Variants in CHD6 observed in about 807,000 individuals in gnomAD.
CHD6 encodes the protein ATP-dependent chromatin remodeler CHD6.
A neutral mutation model predicts 276.9 loss-of-function variants in CHD6; 50 were observed. The observed-to-expected ratio is 0.18, with a 90% CI of 0.14 to 0.23. CHD6 has a LOEUF of 0.23. Among genes scored for constraint, CHD6 ranks in the 10% least tolerant of loss-of-function variants. CHD6 has a pLI of 1.00. For synonymous variants in CHD6, 1,173 were observed against 1,229.3 expected (o/e 0.95, Z 0.96); for missense variants, 2,564 against 3,365.8 (o/e 0.76, Z 5.89).
rs60538220 is a variant in CHD6, at chr20:41,613,776, G to A, written c.-24+4564C>T. On this transcript the variant is annotated intron_variant, in intron 1 of 36. Transcript: ENST00000373233. The stretch of plus-strand genomic sequence containing the variant: ...ATAGGGGTATGAGAGGCACAGATCC[G>A]TTTGAGAATCATAAAAAACAATGGA... 4.3e-3 allele frequency among the ~76,000 whole-genome samples: 658 copies of A among 152,252 alleles called. 5 individuals are homozygous for A. Among genetic ancestry groups the A allele is most frequent in the African/African-American group, 0.015 (631 of 41,554 alleles).
At chr20:41,534,805 CA>C (rs898310516) in intron 2 of CHD6, among the ~76,000 whole-genome samples, 3 of 151,712 alleles carry the variant, frequency 2.0e-5, no homozygotes, top group African/African-American at 7.3e-5. Flanking sequence ...AAATCAAATA[CA>C]AAAAAAATGG....
chr20:41,557,666 A>C (rs1393128836), intron 1 of CHD6, among the ~76,000 whole-genome samples: 1 of 152,188 alleles, frequency 6.6e-6, no homozygotes, highest in Non-Finnish European at 1.5e-5. Context: ...TTGCAAACAC[A>C]AACAAGTGCA....
At chr20:41,588,282 A>G (rs2146253971) in intron 1 of CHD6, among the ~76,000 whole-genome samples, 1 of 152,296 alleles carries the variant, frequency 6.6e-6, no homozygotes, top group South Asian at 2.1e-4. Flanking sequence ...TAAGAATTTT[A>G]TTTTCACTCA....
intron 3 of CHD6, among the ~76,000 whole-genome samples, chr20:41,528,431 T>G (rs2044597746): frequency 6.6e-6 from 1 of 152,162 alleles, no homozygotes; most frequent in Non-Finnish European, 1.5e-5. Context: ...GGCACTATAA[T>G]TTTAAAAATA....
At chr20:41,474,020 T>C (rs1313292914) in intron 16 of CHD6, among the ~76,000 whole-genome samples, 2 of 152,236 alleles carry the variant, frequency 1.3e-5, no homozygotes, top group East Asian at 1.9e-4. Flanking sequence ...AGTCCTTTTA[T>C]GTCACTTCTA....
At position 41,423,401 on chromosome 20, in the gene CHD6, T is replaced by C. The variant is rs1186171644; in HGVS notation, c.4555+91A>G. Reference sequence around the variant, plus strand: ...CTAAATTCCTCATGTAGACTCTAGTTTTTATAGGTATACCTAAAGTAATTC... The same window carrying C: ...CTAAATTCCTCATGTAGACTCTAGTCTTTATAGGTATACCTAAAGTAATTC... On this transcript the variant is annotated intron_variant, in intron 30 of 36. Coordinates refer to ENST00000373233, the MANE Select transcript of CHD6 (RefSeq NM_032221.5). 2 of 1,259,098 alleles carry C rather than the reference T, an allele frequency of 1.6e-6. 1 individual carries two copies. Among genetic ancestry groups the C allele is most frequent in the Admixed American group, 3.6e-5 (2 of 56,336 alleles). 78.0% of individuals were successfully genotyped at this position (1,259,098 alleles called of 1,614,324 possible).
Position 41,582,148 on chromosome 20 carries a change from A to C in CHD6, c.-23-30788T>G, listed in dbSNP as rs530897529. On this transcript the variant is annotated intron_variant, in intron 1 of 36. Transcript: ENST00000373233. ...ACTCAATTCAATTACTTAAAAAAAA[A>C]ACCTACACCTAAAATGTAGTTAAAG... is the stretch of plus-strand genomic sequence containing the variant. Among the ~76,000 whole-genome samples, 5 of 152,324 alleles carry C rather than the reference A, an allele frequency of 3.3e-5. No homozygotes were observed. The East Asian group carries it at 9.6e-4, about 29-fold the overall frequency.
intron 1 of CHD6, among the ~76,000 whole-genome samples, chr20:41,599,133 G>T (rs918627368): frequency 1.6e-4 from 24 of 152,216 alleles, no homozygotes; most frequent in African/African-American, 5.5e-4. Flanking sequence ...ACAGCAGTTT[G>T]TCAATTATAC....
chr20:41,447,637 T>C (rs1159250235), intron 24 of CHD6, among the ~76,000 whole-genome samples: 2 of 152,096 alleles, frequency 1.3e-5, no homozygotes, highest in Non-Finnish European at 2.9e-5. Context: ...TTGAGGGAAA[T>C]AAAATGAACT....
intron 3 of CHD6, among the ~76,000 whole-genome samples, chr20:41,518,566 T>C (rs1381498071): frequency 6.6e-6 from 1 of 152,128 alleles, no homozygotes; most frequent in African/African-American, 2.4e-5. Context: ...CTCAAATATT[T>C]GTCAGTAAAA....
chr20:41,504,364 C>T (rs940771530), intron 5 of CHD6, among the ~76,000 whole-genome samples: 1 of 143,052 alleles, frequency 7.0e-6, no homozygotes, highest in Admixed American at 7.0e-5. Context: ...TGGAAGTCTT[C>T]ATTTTAAAAT....
chr20:41,533,635 C>G, intron 2 of CHD6, 65 bp from the exon 3 acceptor site: 1 of 1,410,684 alleles, frequency 7.1e-7, no homozygotes, highest in Non-Finnish European at 9.6e-7. Flanking sequence ...AGAGAGTTAC[C>G]CAGTTTGAAT....
intron 20 of CHD6, among the ~76,000 whole-genome samples, chr20:41,453,551 C>A (rs893486823): frequency 6.6e-6 from 1 of 152,134 alleles, no homozygotes; most frequent in African/African-American, 2.4e-5. Context: ...TTCCCCCATA[C>A]CTCTTCCCCA....
intron 17 of CHD6, among the ~76,000 whole-genome samples, chr20:41,466,540 G>A (rs1374658077): frequency 6.6e-6 from 1 of 152,150 alleles, no homozygotes; most frequent in Non-Finnish European, 1.5e-5. Flanking sequence ...CTCTGCTACT[G>A]GGAGGTTTGA....
intron 1 of CHD6, among the ~76,000 whole-genome samples, chr20:41,592,147 G>A (rs1012584897): frequency 6.6e-6 from 1 of 152,094 alleles, no homozygotes; most frequent in African/African-American, 2.4e-5. Context: ...TGAGTCCAAT[G>A]GTCACAGGTT....
chr20:41,448,089 T>C (rs1353817497), intron 23 of CHD6, 118 bp from the exon 24 acceptor site: 2 of 525,748 alleles, frequency 3.8e-6, no homozygotes, highest in Non-Finnish European at 6.7e-6. Flanking sequence ...TATTATGAAG[T>C]AATAGAAGAG....
chr20:41,444,922 C>T (rs1330383901), intron 25 of CHD6, among the ~76,000 whole-genome samples: 1 of 152,222 alleles, frequency 6.6e-6, no homozygotes, highest in Non-Finnish European at 1.5e-5. Flanking sequence ...ACTCTTTTCA[C>T]TTTAAACCTT....
At chr20:41,424,691 AG>A (rs2047305791) in intron 29 of CHD6, among the ~76,000 whole-genome samples, 1 of 152,212 alleles carries the variant, frequency 6.6e-6, no homozygotes, top group Non-Finnish European at 1.5e-5. Context: ...GCCTTCTGTA[AG>A]CCTTTTAGGG....
rs149617493 is a variant in CHD6, at chr20:41,441,374, C to T, written c.3878-1245G>A. ...AAGAACCACTCTCACCCTTTCCCCA[C>T]GTTCCTGCCCCACCTCACATCAAAC... On this transcript the variant is annotated intron_variant, in intron 25 of 36. Coordinates refer to ENST00000373233, the MANE Select transcript of CHD6 (RefSeq NM_032221.5). Among the ~76,000 whole-genome samples the T allele has an allele frequency of 2.7e-4, 41 of 152,308 alleles. No homozygotes were observed. In the South Asian group the frequency reaches 8.5e-3, roughly 32 times the overall value.
Sources: allele counts gnomAD v4.1 joint callset (sites outside exome capture counted in the v4.1 genomes callset), GRCh38; gene constraint gnomAD v4.1.1; transcripts MANE v1.5; gene names NCBI Gene and HGNC (gene_info 2026-07-23, HGNC 2026-07-21).